FAT2: variants seen among roughly 807,000 people sequenced by gnomAD.
FAT2 encodes the protein FAT atypical cadherin 2.
FAT2 carries 150 observed loss-of-function variants against 295.3 expected under a neutral mutation model. The observed-to-expected ratio is 0.51, with a 90% CI of 0.44 to 0.58. The LOEUF (loss-of-function observed/expected upper bound fraction) is 0.58. Among genes scored for constraint, FAT2 ranks in the 20% least tolerant of loss-of-function variants. FAT2 has a pLI of 0.00. For synonymous variants in FAT2, 2,026 were observed against 2,150.3 expected (o/e 0.94, Z 1.60); for missense variants, 4,868 against 5,442.7 (o/e 0.89, Z 3.32).
chr5:151,593,515 C>T (rs1759491690), upstream of FAT2, among the ~76,000 whole-genome samples: 2 of 152,200 alleles, frequency 1.3e-5, no homozygotes, highest in African/African-American at 4.8e-5. Context: ...GGTCTTCAAG[C>T]CTCCAGTCTC....
At position 151,545,407 on chromosome 5, in the gene FAT2, A is replaced by G. The variant is rs150700679; in HGVS notation, c.5720T>C (p.Ile1907Thr). ...AGCTTCATCAGCATTGCCAGTTTTGATGCTATAATTGACTTCTGAGTCTTC... is the reference window on the plus strand; with the variant it reads ...AGCTTCATCAGCATTGCCAGTTTTGGTGCTATAATTGACTTCTGAGTCTTC... ...SDEDSEVNYSIKTGNADEAVT... is the reference protein window; with the variant it reads ...SDEDSEVNYSTKTGNADEAVT... Residue 1907 changes from isoleucine to threonine, a missense_variant, in exon 10 of 24, where the codon ATC (isoleucine) becomes ACC (threonine). By Grantham distance (89) the Ile-to-Thr change is moderately conservative (BLOSUM62 -1). Transcript: ENST00000261800. The G allele has an allele frequency of 4.7e-3, 7,530 of 1,614,162 alleles. 33 individuals are homozygous for G. Among genetic ancestry groups the G allele is most frequent in the South Asian group, 6.1e-3 (553 of 91,068 alleles).
chr5:151,575,971 T>C (rs1316660273), intron 1 of FAT2, among the ~76,000 whole-genome samples: 3 of 152,202 alleles, frequency 2.0e-5, no homozygotes, highest in African/African-American at 4.8e-5. Flanking sequence ...ATGTGACTTG[T>C]GTCTACCACA....
In FAT2 at chr5:151,507,355, A is replaced by G. The variant is rs776208786; in HGVS notation, c.12316T>C (p.Leu4106=). 3.7e-6 allele frequency: 6 copies of G among 1,614,154 alleles called. No individual in the cohort carries two copies. Among genetic ancestry groups the G allele is most frequent in the Non-Finnish European group, 5.1e-6 (6 of 1,180,024 alleles). Residue 4106 remains leucine, a synonymous_variant, in exon 23 of 24, where the codon TTG becomes CTG. Coordinates refer to ENST00000261800, the MANE Select transcript of FAT2 (RefSeq NM_001447.3). The stretch of plus-strand genomic sequence containing the variant: ...AGGTTGTTGCAGGAGCTGGCACTCA[A>G]TGGGTTGAGCTCGATGGCAGGCATG... ...QAMPAIELNP[L]SASSCNNLNQ... is the part of the protein sequence containing the mutation.
chr5:151,565,652 A>G, intron 2 of FAT2, 21 bp downstream of exon 2: 2 of 621,988 alleles, frequency 3.2e-6, no homozygotes, highest in Non-Finnish European at 4.7e-6. Flanking sequence ...CTGGCACCCC[A>G]CCCTACCCCA....
chr5:151,594,754 T>C (rs1759521641), upstream of FAT2, among the ~76,000 whole-genome samples: 1 of 152,202 alleles, frequency 6.6e-6, no homozygotes, highest in Non-Finnish European at 1.5e-5. Flanking sequence ...TGAGCAACGA[T>C]GTAAATGAGG....
In FAT2 at chr5:151,529,184, G is replaced by C; in HGVS notation, c.10020C>G (p.Ile3340Met). 1 of 1,614,000 alleles carries C rather than the reference G, an allele frequency of 6.2e-7. No individual in the cohort carries two copies. Among genetic ancestry groups the C allele is most frequent in the Non-Finnish European group, 8.5e-7 (1 of 1,179,946 alleles). Residue 3340 changes from isoleucine (I) to methionine (M), a missense_variant, in exon 15 of 24, where the codon ATC becomes ATG. Coordinates refer to ENST00000261800, the MANE Select transcript of FAT2 (RefSeq NM_001447.3). Reference protein sequence around the residue: ...VLENALVGDVILTVSATDEDG... With the variant: ...VLENALVGDVMLTVSATDEDG... ...CAAGGTGGCAGATCCTTACCGTGAG[G>C]ATGACGTCACCCACAAGGGCATTCT...
At chr5:151,558,888 C>G (rs189920197) in intron 3 of FAT2, among the ~76,000 whole-genome samples, 137 of 152,264 alleles carry the variant, frequency 9.0e-4, no homozygotes, top group Admixed American at 9.0e-3. Flanking sequence ...TTTCAGGGGC[C>G]CAGAAGGTCA....
chr5:151,554,870 C>A (rs1245509621), intron 4 of FAT2, among the ~76,000 whole-genome samples, 197 bp from the exon 5 acceptor site: 4 of 152,216 alleles, frequency 2.6e-5, no homozygotes, highest in Admixed American at 6.5e-5. Context: ...AGAAAGGAAG[C>A]AGAAAGAACT....
At chr5:151,586,815 G>T (rs1759188509) in intron 1 of FAT2, among the ~76,000 whole-genome samples, 1 of 152,204 alleles carries the variant, frequency 6.6e-6, no homozygotes, top group African/African-American at 2.4e-5. Context: ...AGAGTTGGTA[G>T]AAGTATAGAG....
At chr5:151,592,428 C>T (rs1348241463), upstream of FAT2, among the ~76,000 whole-genome samples, 2 of 152,064 alleles carry the variant, frequency 1.3e-5, no homozygotes, top group South Asian at 2.1e-4. Context: ...TGTCCAATCC[C>T]CTCCCTCCCC....
intron 1 of FAT2, among the ~76,000 whole-genome samples, chr5:151,581,368 G>A (rs79610945): frequency 0.02 from 3,016 of 152,228 alleles, 44 homozygotes; most frequent in Non-Finnish European, 0.031. Context: ...GTATTATATC[G>A]GAGGGCCAAG....
intron 8 of FAT2, among the ~76,000 whole-genome samples, chr5:151,549,831 A>T (rs1034531599): frequency 1.3e-5 from 2 of 152,194 alleles, no homozygotes; most frequent in African/African-American, 4.8e-5. Context: ...GCAGGAAAAA[A>T]AAATTATATG....
rs751605105 is a variant in FAT2, at chr5:151,550,612, G to A, written c.4556C>T (p.Ser1519Phe). The part of the protein sequence containing the change: ...VGKLDLGSGP[S>F]QHTLTVMVRD... The stretch of plus-strand genomic sequence containing the variant: ...CACCATGACTGTCAGTGTGTGCTGG[G>A]AGGGCCCCGAGCCGAGGTCCAATTT... The change falls in exon 8 of 24, where the codon TCC (serine) becomes TTC (phenylalanine). Residue 1519 changes from serine to phenylalanine, a missense_variant. Physicochemically the swap from Ser to Phe is radical, Grantham distance 155. This residue lies in a region of FAT2 where 3,297 missense variants were observed against 3,669.4 expected (regional missense o/e 0.90). Transcript: ENST00000261800. The A allele has an allele frequency of 1.9e-6, 3 of 1,614,148 alleles. No individual in the cohort carries two copies. The highest frequency in any genetic ancestry group is 1.7e-4 in the Middle Eastern group (1 of 6,058).
rs1757133266 is a variant in FAT2, at chr5:151,550,874, A to G, written c.4297-3T>C. On this transcript the variant is annotated splice_region_variant and splice_polypyrimidine_tract_variant and intron_variant, in intron 7 of 23. Transcript: ENST00000261800. ...TTGGCAATCATGAAGATGTGGACCT[A>G]GGGAGGGAGATGAGGGAGAAGGTGC... The G allele has an allele frequency of 6.2e-7, 1 of 1,611,894 alleles. No individual in the cohort carries two copies. Among genetic ancestry groups the G allele is most frequent in the Non-Finnish European group, 8.5e-7 (1 of 1,179,436 alleles).
upstream of FAT2, among the ~76,000 whole-genome samples, chr5:151,591,602 A>G (rs1647162463): frequency 6.6e-6 from 1 of 151,560 alleles, no homozygotes; most frequent in African/African-American, 2.4e-5. Context: ...AGAGACCACA[A>G]GGGAACTAGA....
In FAT2 at chr5:151,568,804, T is replaced by C. The variant is rs1456422687; in HGVS notation, c.128A>G (p.Tyr43Cys). The C allele has an allele frequency of 1.9e-6, 3 of 1,614,056 alleles. No homozygotes were observed. Among genetic ancestry groups the C allele is most frequent in the South Asian group, 1.1e-5 (1 of 91,066 alleles). The change falls in exon 2 of 24, where the codon TAT (tyrosine) becomes TGT (cysteine). Residue 43 changes from tyrosine to cysteine, a missense_variant. Physicochemically the swap from Tyr to Cys is radical, Grantham distance 194. Coordinates refer to ENST00000261800, the MANE Select transcript of FAT2 (RefSeq NM_001447.3). Reference protein sequence around the residue: ...FTHSHYNATIYENSSPKTYVE... With the variant: ...FTHSHYNATICENSSPKTYVE... Reference sequence around the variant, plus strand: ...ATAGGTCTTGGGAGAAGAATTTTCATAGATGGTGGCATTGTAATGGGAGTG... The same window carrying C: ...ATAGGTCTTGGGAGAAGAATTTTCACAGATGGTGGCATTGTAATGGGAGTG...
rs754402808 is a variant in FAT2, at chr5:151,563,299, G to A, written c.3574+26C>T. ...GAGAACCACCATTGTAGAGATCCCT[G>A]TTCACCCAGCTTTTTGGATCCTTAC... On this transcript the variant is annotated intron_variant, in intron 3 of 23. Transcript: ENST00000261800. 6.2e-6 allele frequency: 10 copies of A among 1,607,504 alleles called. No individual in the cohort carries two copies. The East Asian group carries it at 2.0e-4, about 32-fold the overall frequency.
chr5:151,564,902 G>A (rs114816329), intron 2 of FAT2, among the ~76,000 whole-genome samples: 5,198 of 151,932 alleles, frequency 0.034, 143 homozygotes, highest in South Asian at 0.11. Flanking sequence ...GCAAAAACCC[G>A]TTTCTACTAA....
At chr5:151,575,055 C>G (rs1012627263) in intron 1 of FAT2, among the ~76,000 whole-genome samples, 1 of 152,168 alleles carries the variant, frequency 6.6e-6, no homozygotes, top group African/African-American at 2.4e-5. Context: ...TTATTAGAAC[C>G]AATAATGGCT....
Sources: gnomAD v4.1 joint callset for allele counts (sites outside exome capture counted in the v4.1 genomes callset) on GRCh38, gnomAD v4.1.1 for gene constraint, gnomAD v4.1.1 regional missense constraint, MANE v1.5 for transcripts, NCBI Gene and HGNC (gene_info 2026-07-23, HGNC 2026-07-21) for gene names.